Variants in MSANTD2 observed in about 807,000 individuals in gnomAD.
MSANTD2 encodes Myb/SANT DNA binding domain containing 2.
MSANTD2 carries 19 observed loss-of-function variants against 52.6 expected under a neutral mutation model. The ratio of observed to expected loss-of-function variants is 0.36; its 90% CI spans 0.25 to 0.53. The LOEUF is 0.53. Ranked by LOEUF, MSANTD2 falls within the 20% of genes least tolerant of loss-of-function variation. The probability of loss-of-function intolerance (pLI) is 0.91; values close to 1 mark genes in which losing one functional copy is unlikely to be tolerated. For synonymous variants in MSANTD2, 291 were observed against 289.7 expected (o/e 1.00, Z -0.04); for missense variants, 558 against 716.3 (o/e 0.78, Z 2.52).
At chr11:124,783,966 G>T (rs766980474) in intron 1 of MSANTD2, 4 of 985,226 alleles carry the variant, frequency 4.1e-6, no homozygotes, top group Admixed American at 1.2e-4. Flanking sequence ...TCATGTATAA[G>T]AGCTTCTTTA....
At chr11:124,776,525 G>A (rs1944751746) in intron 1 of MSANTD2, among the ~76,000 whole-genome samples, 1 of 152,210 alleles carries the variant, frequency 6.6e-6, no homozygotes, top group Non-Finnish European at 1.5e-5. Flanking sequence ...TTGAACTCCC[G>A]ACCTCAGGTG....
intron 1 of MSANTD2, 51 bp downstream of exon 1, chr11:124,799,820 C>G: frequency 7.0e-7 from 1 of 1,435,344 alleles, no homozygotes; most frequent in Non-Finnish European, 9.4e-7. Context: ...GCCCGCTTCC[C>G]CGCCTTCTCT....
At chr11:124,781,391 G>A (rs1944961459) in intron 1 of MSANTD2, among the ~76,000 whole-genome samples, 1 of 152,086 alleles carries the variant, frequency 6.6e-6, no homozygotes, top group Admixed American at 6.5e-5. Context: ...TATCGATATA[G>A]ATGCCAGATA....
At chr11:124,796,915 T>C (rs1354739810) in intron 1 of MSANTD2, among the ~76,000 whole-genome samples, 1 of 152,236 alleles carries the variant, frequency 6.6e-6, no homozygotes, top group Non-Finnish European at 1.5e-5. Context: ...TTTCAGAGGT[T>C]TGAGATTCTC....
intron 3 of MSANTD2, among the ~76,000 whole-genome samples, chr11:124,770,651 G>T (rs1237034182): frequency 6.6e-6 from 1 of 152,042 alleles, no homozygotes; most frequent in African/African-American, 2.4e-5. Flanking sequence ...TGTTATCCAG[G>T]CTGGAGTGCA....
intron 1 of MSANTD2, among the ~76,000 whole-genome samples, chr11:124,787,210 A>G (rs2135260142): frequency 6.6e-6 from 1 of 152,350 alleles, no homozygotes; most frequent in South Asian, 2.1e-4. Flanking sequence ...CAAATAAAGT[A>G]GTGCAGCAAA....
chr11:124,795,083 T>C (rs983330702), intron 1 of MSANTD2, among the ~76,000 whole-genome samples: 1 of 152,148 alleles, frequency 6.6e-6, no homozygotes, highest in Non-Finnish European at 1.5e-5. Flanking sequence ...GTCACCACGT[T>C]GTCCACGCTG....
At chr11:124,781,183 C>CA (rs373484883) in intron 1 of MSANTD2, among the ~76,000 whole-genome samples, 701 of 62,688 alleles carry the variant, frequency 0.011, no homozygotes, top group African/African-American at 0.017. Flanking sequence ...GTCTCTGTCT[C>CA]AAAAAAAAAA....
chr11:124,789,887 C>G (rs1436609181), intron 1 of MSANTD2: 1 of 152,182 alleles, frequency 6.6e-6, no homozygotes, highest in African/African-American at 2.4e-5. Flanking sequence ...ATTAATAGCA[C>G]ACAGAACACA....
At chr11:124,799,046 A>G (rs1445860950) in intron 1 of MSANTD2, among the ~76,000 whole-genome samples, 1 of 152,214 alleles carries the variant, frequency 6.6e-6, no homozygotes, top group Admixed American at 6.5e-5. Context: ...TCTGCATTTA[A>G]ACATGCAGGT....
rs571106311 is a variant in MSANTD2, at chr11:124,781,652, C to CT, written c.511-6679dup. ...CTGTTCCTATTGTGATCATCAATGT[C>CT]TTTTTTTTTTTTTTTTTTGAGACAG... On this transcript the variant is annotated intron_variant, in intron 1 of 3. Coordinates refer to ENST00000374979, the MANE Select transcript of MSANTD2 (RefSeq NM_001308027.2). Among the ~76,000 whole-genome samples, 616 of 134,198 alleles carry CT rather than the reference C, an allele frequency of 4.6e-3. 3 individuals carry two copies. Among genetic ancestry groups the CT allele is most frequent in the South Asian group, 0.016 (69 of 4,312 alleles). The allele number at this position is 134,198 out of a possible 152,430, so 88.0% of individuals were successfully genotyped here.
rs1184237027 is a variant in MSANTD2 at position 124,795,525 on chromosome 11, AC to A, written c.510+4345del. Among the ~76,000 whole-genome samples, 21 of 152,240 alleles carry A rather than the reference AC, an allele frequency of 1.4e-4. No individual in the cohort carries two copies. The East Asian group carries it at 3.3e-3, about 24-fold the overall frequency. On this transcript the variant is annotated intron_variant, in intron 1 of 3. Transcript: ENST00000374979. ...CTGGTCACTCCTTTGAAGTCATCAC[AC>A]TTATAGTCTGCTTTAGGCAAATAAC... is the stretch of plus-strand genomic sequence containing the variant.
intron 1 of MSANTD2, chr11:124,789,688 G>A (rs1285254938): frequency 6.6e-6 from 1 of 152,128 alleles, no homozygotes; most frequent in Non-Finnish European, 1.5e-5. Flanking sequence ...AAAGATGGTT[G>A]AGAATCATAC....
At position 124,784,173 on chromosome 11, in the gene MSANTD2, G is replaced by C. The variant is rs997815958; in HGVS notation, c.511-9199C>G. 75 of 984,914 alleles carry C rather than the reference G, an allele frequency of 7.6e-5. 1 individual carries two copies. Among genetic ancestry groups the C allele is most frequent in the Non-Finnish European group, 8.9e-5 (74 of 829,794 alleles). The allele number at this position is 984,914 out of a possible 1,614,324, so 61.0% of individuals were successfully genotyped here. A position where few individuals can be genotyped will look rare whatever the true frequency, so the allele number is the denominator to read the frequency against. On this transcript the variant is annotated intron_variant, in intron 1 of 3. Transcript: ENST00000374979. ...CCTGAAAGGGAAAAAAAAAAAATCA[G>C]TTGTTGGCAAAGAACTGACTGGGAT...
intron 1 of MSANTD2, chr11:124,784,799 T>C (rs989825860): frequency 4.8e-5 from 17 of 353,608 alleles, no homozygotes; most frequent in Middle Eastern, 1.4e-3. Context: ...GATAAAATCA[T>C]ACAAAAACTA....
chr11:124,794,138 C>T (rs1346522721), intron 1 of MSANTD2, among the ~76,000 whole-genome samples: 4 of 152,190 alleles, frequency 2.6e-5, no homozygotes, highest in African/African-American at 9.7e-5. Context: ...ATATTTCCAT[C>T]ATCACAAAAT....
intron 1 of MSANTD2, chr11:124,775,218 A>G (rs1944692608): frequency 2.4e-6 from 1 of 425,246 alleles, no homozygotes; most frequent in African/African-American, 2.0e-5. Flanking sequence ...AAGAAACATT[A>G]CAACATTATT....
intron 1 of MSANTD2, among the ~76,000 whole-genome samples, chr11:124,796,740 C>T (rs183949785): frequency 0.031 from 4,764 of 152,258 alleles, 240 homozygotes; most frequent in African/African-American, 0.11. Flanking sequence ...AGAAGTTCCT[C>T]CTTTTCCTTT....
chr11:124,786,208 G>A (rs1449697686), intron 1 of MSANTD2, among the ~76,000 whole-genome samples: 3 of 150,726 alleles, frequency 2.0e-5, no homozygotes, highest in South Asian at 2.1e-4. Context: ...CTGGGCTCAA[G>A]TGATCCTCCT....
Sources: allele counts gnomAD v4.1 joint callset (sites outside exome capture counted in the v4.1 genomes callset), GRCh38; gene constraint gnomAD v4.1.1; transcripts MANE v1.5; gene names NCBI Gene and HGNC (gene_info 2026-07-23, HGNC 2026-07-21).